Variants in NDUFS4 observed in about 807,000 individuals in gnomAD.
NDUFS4 encodes NADH:ubiquinone oxidoreductase subunit S4, also known as NADH dehydrogenase [ubiquinone] iron-sulfur protein 4, mitochondrial.
NDUFS4 carries 28 observed loss-of-function variants against 24.3 expected under a neutral mutation model. The ratio of observed to expected loss-of-function variants is 1.15; its 90% CI spans 0.85 to 1.58. The LOEUF is 1.58. Among genes scored for constraint, NDUFS4 ranks in the 40% most tolerant of loss-of-function variants. The pLI is 0.00. For synonymous variants in NDUFS4, 93 were observed against 69.7 expected (o/e 1.34, Z -1.67); for missense variants, 223 against 207.9 (o/e 1.07, Z -0.45).
At chr5:53,597,693 C>T (rs1750171210) in intron 1 of NDUFS4, among the ~76,000 whole-genome samples, 1 of 151,962 alleles carries the variant, frequency 6.6e-6, no homozygotes, top group Non-Finnish European at 1.5e-5. Context: ...AAAGAAGATC[C>T]TAATGGATAC....
intron 4 of NDUFS4, among the ~76,000 whole-genome samples, chr5:53,667,007 G>A (rs1406722211): frequency 6.6e-6 from 1 of 152,072 alleles, no homozygotes; most frequent in East Asian, 1.9e-4. Context: ...CTCCTCTCCT[G>A]GGAAAGTCCT....
chr5:53,590,715 T>G (rs1749924771), intron 1 of NDUFS4, among the ~76,000 whole-genome samples: 4 of 152,230 alleles, frequency 2.6e-5, no homozygotes. Flanking sequence ...TTTATTGGTG[T>G]TGTAAACCAG....
Position 53,673,357 on chromosome 5 carries a change from C to T in NDUFS4, c.425-9761C>T, listed in dbSNP as rs73121132. 7.0e-3 allele frequency among the ~76,000 whole-genome samples: 1,060 copies of T among 152,156 alleles called. 14 individuals are homozygous for T. The highest frequency in any genetic ancestry group is 0.024 in the African/African-American group (1,011 of 41,506). ...TTTCCAGAGGCCCTCTAGGGAATCT[C>T]AGAGATAATTCTAGGTGCAATGATA... On this transcript the variant is annotated intron_variant, in intron 4 of 4. Transcript: ENST00000296684.
At chr5:53,567,919 T>C (rs1374313909) in intron 1 of NDUFS4, among the ~76,000 whole-genome samples, 2 of 152,190 alleles carry the variant, frequency 1.3e-5, no homozygotes, top group Non-Finnish European at 2.9e-5. Context: ...ACTTTTCTTT[T>C]CTAGCTTGTA....
At chr5:53,562,330 C>G (rs1353108792) in intron 1 of NDUFS4, among the ~76,000 whole-genome samples, 4 of 152,048 alleles carry the variant, frequency 2.6e-5, no homozygotes, top group Non-Finnish European at 4.4e-5. Context: ...AATTGTCATT[C>G]CCAGATAATA....
chr5:53,616,585 G>A (rs941615111), intron 2 of NDUFS4, among the ~76,000 whole-genome samples: 8 of 152,138 alleles, frequency 5.3e-5, no homozygotes, highest in African/African-American at 1.9e-4. Context: ...GCTGGTAGTA[G>A]TCAAATAACA....
rs538812604 is a variant in NDUFS4 at position 53,601,989 on chromosome 5, G to A, written c.99-1463G>A. 5.3e-5 allele frequency among the ~76,000 whole-genome samples: 8 copies of A among 152,276 alleles called. No homozygotes were observed. The South Asian group carries it at 1.5e-3, about 28-fold the overall frequency. ...GTGTGTATGTATTAGAAAAAACAGT[G>A]TATGTAGGGTTCAGTTCTATTAACA... On this transcript the variant is annotated intron_variant, in intron 1 of 4. Transcript: ENST00000296684.
intron 1 of NDUFS4, among the ~76,000 whole-genome samples, chr5:53,585,108 T>G (rs1749704233): frequency 6.6e-6 from 1 of 152,194 alleles, no homozygotes; most frequent in South Asian, 2.1e-4. Flanking sequence ...ATTTTAAAAT[T>G]ATGGGATATT....
At chr5:53,629,786 A>G (rs1313497380) in intron 2 of NDUFS4, among the ~76,000 whole-genome samples, 3 of 151,714 alleles carry the variant, frequency 2.0e-5, no homozygotes, top group Non-Finnish European at 4.4e-5. Flanking sequence ...TGCCTGTGAG[A>G]TGGATCTCCT....
intron 2 of NDUFS4, among the ~76,000 whole-genome samples, chr5:53,610,818 T>A (rs1561361461): frequency 6.6e-6 from 1 of 152,164 alleles, no homozygotes; most frequent in Non-Finnish European, 1.5e-5. Context: ...TTTAAAATGT[T>A]TTTGCCAGAA....
chr5:53,563,362 G>GA (rs1336892864), intron 1 of NDUFS4, among the ~76,000 whole-genome samples: 2 of 151,784 alleles, frequency 1.3e-5, no homozygotes, highest in African/African-American at 2.4e-5. Flanking sequence ...ACACAAGAGA[G>GA]AAAAAATCTA....
At chr5:53,654,529 AT>A (rs1419262544) in intron 3 of NDUFS4, among the ~76,000 whole-genome samples, 3 of 152,020 alleles carry the variant, frequency 2.0e-5, no homozygotes, top group Non-Finnish European at 2.9e-5. Flanking sequence ...AATATTACAT[AT>A]TTTTTCTCTA....
chr5:53,572,153 G>C (rs775386204), intron 1 of NDUFS4, among the ~76,000 whole-genome samples: 76 of 152,190 alleles, frequency 5.0e-4, no homozygotes, highest in Non-Finnish European at 9.7e-4. Context: ...ATAGAACAAA[G>C]GGGATTTGGT....
chr5:53,560,805 C>T (rs762910808), intron 1 of NDUFS4, 45 bp downstream of exon 1: 67 of 1,612,674 alleles, frequency 4.2e-5, no homozygotes, highest in Non-Finnish European at 5.4e-5. Flanking sequence ...TGGGTCCCTC[C>T]ATTTTTGCGG....
chr5:53,630,866 C>T (rs1213805116), intron 2 of NDUFS4, among the ~76,000 whole-genome samples: 1 of 152,168 alleles, frequency 6.6e-6, no homozygotes. Context: ...TACCCACCTT[C>T]TAAAGCCTAC....
At chr5:53,626,596 CATT>C (rs1751233466) in intron 2 of NDUFS4, among the ~76,000 whole-genome samples, 1 of 152,166 alleles carries the variant, frequency 6.6e-6, no homozygotes, top group Non-Finnish European at 1.5e-5. Flanking sequence ...GATGGTATCT[CATT>C]GTGGTTTTGA....
At chr5:53,663,492 CTTG>C (rs1487990336) in intron 4 of NDUFS4, among the ~76,000 whole-genome samples, 1 of 152,142 alleles carries the variant, frequency 6.6e-6, no homozygotes, top group Non-Finnish European at 1.5e-5. Flanking sequence ...TCACTCAGGA[CTTG>C]CTTTATGAAT....
chr5:53,640,235 A>G (rs548674436), intron 2 of NDUFS4, among the ~76,000 whole-genome samples: 1 of 152,158 alleles, frequency 6.6e-6, no homozygotes, highest in South Asian at 2.1e-4. Context: ...TAAAGTAGGA[A>G]CTTGAAGGGG....
At chr5:53,672,185 C>T (rs1259217271) in intron 4 of NDUFS4, among the ~76,000 whole-genome samples, 1 of 151,714 alleles carries the variant, frequency 6.6e-6, no homozygotes. Flanking sequence ...AACGTAACCT[C>T]TTATGAGGGT....
Sources: allele counts gnomAD v4.1 joint callset (sites outside exome capture counted in the v4.1 genomes callset), GRCh38; gene constraint gnomAD v4.1.1; transcripts MANE v1.5; gene names NCBI Gene and HGNC (gene_info 2026-07-23, HGNC 2026-07-21).